Variants in CARMIL3 observed in about 807,000 individuals in gnomAD.
CARMIL3 encodes the protein capping protein regulator and myosin 1 linker 3, also known as capping protein, Arp2/3 and myosin-I linker protein 3.
CARMIL3 carries 88 observed loss-of-function variants against 180.8 expected under a neutral mutation model. The ratio of observed to expected loss-of-function variants is 0.49; its 90% CI spans 0.41 to 0.58. CARMIL3 has a LOEUF of 0.58. Ranked by LOEUF, CARMIL3 falls within the 20% of genes least tolerant of loss-of-function variation. CARMIL3 has a pLI of 0.00. For synonymous variants in CARMIL3, 696 were observed against 714.5 expected, an observed-to-expected ratio of 0.97 and a Z score of 0.41; for missense variants, 1,548 against 1,787.0, an observed-to-expected ratio of 0.87 and a Z score of 2.41.
At chr14:24,055,852 C>G (rs1052836581) in intron 10 of CARMIL3, 63 bp downstream of exon 10, 1 of 1,459,074 alleles carries the variant, frequency 6.9e-7, no homozygotes, top group African/African-American at 1.4e-5. Context: ...GTCCCAGAAC[C>G]TCAGAGCATG....
Position 24,058,888 on chromosome 14 carries a change from AGGG to A in CARMIL3, c.1475-1_1476del. 6.2e-7 allele frequency: 1 copy of A among 1,614,202 alleles called. No homozygotes were observed. Among genetic ancestry groups the A allele is most frequent in the South Asian group, 1.1e-5 (1 of 91,086 alleles). On this transcript the variant is annotated splice_acceptor_variant and coding_sequence_variant, in exon 19 of 40. Transcript: ENST00000342740. LOFTEE classifies it high-confidence loss of function. The surrounding 1 kb of genome is among the most constrained non-coding windows in gnomAD (Gnocchi z 6.4). ...GCCAGGCCTCTCCCATCTGCTCACC[AGGG>A]TTCGACTCGGACCTCCTGACACTGG... is the stretch of plus-strand genomic sequence containing the variant.
intron 1 of CARMIL3, among the ~76,000 whole-genome samples, chr14:24,053,083 A>G (rs1347880088): frequency 2.0e-5 from 3 of 151,256 alleles, no homozygotes; most frequent in African/African-American, 4.9e-5. Flanking sequence ...CACACACACT[A>G]TATCTGGGTG....
At position 24,060,069 on chromosome 14, in the gene CARMIL3, G is replaced by A. The variant is rs1388411688; in HGVS notation, c.1962+6G>A. On this transcript the variant is annotated splice_donor_region_variant and intron_variant, in intron 23 of 39. Transcript: ENST00000342740. ...CCGAGGACGTCTGGCAGAAGGTGCA[G>A]GGTGCTGTCCTAAGCAGGGTGGCAC... 9 of 1,613,804 alleles carry A rather than the reference G, an allele frequency of 5.6e-6. No homozygotes were observed. The highest frequency in any genetic ancestry group is 7.6e-6 in the Non-Finnish European group (9 of 1,180,034).
chr14:24,056,366 C>G lies in CARMIL3; in HGVS notation c.838C>G (p.Leu280Val), dbSNP rs2035671721. 6.2e-7 allele frequency: 1 copy of G among 1,613,810 alleles called. No homozygotes were observed. The highest frequency in any genetic ancestry group is 1.3e-5 in the African/African-American group (1 of 74,882). Residue 280 changes from leucine (L) to valine (V), a missense_variant, in exon 11 of 40, where the codon CTG (leucine) becomes GTG (valine). By Grantham distance (32) the Leu-to-Val change is conservative (BLOSUM62 1). Around this residue, in one of 4 missense-constraint regions of CARMIL3, gnomAD observed 578 missense variants for 666.5 expected, o/e 0.87. Coordinates refer to ENST00000342740, the MANE Select transcript of CARMIL3 (RefSeq NM_138360.4). ...NGSCVLHALT[L>V]SHNPIEDKGF... ...GAGCTGTGTGCTGCATGCCCTCACT[C>G]TGTCCCACAACCCCATCGAGGACAA...
Position 24,062,730 on chromosome 14 carries a change from A to T in CARMIL3, c.2590A>T (p.Arg864Trp). 1 of 1,611,764 alleles carries T rather than the reference A, an allele frequency of 6.2e-7. No individual in the cohort carries two copies. The highest frequency in any genetic ancestry group is 8.5e-7 in the Non-Finnish European group (1 of 1,178,760). Residue 864 changes from arginine to tryptophan, a missense_variant, in exon 29 of 40, where the codon AGG (arginine) becomes TGG (tryptophan). Arg to Trp is a moderately radical substitution (Grantham distance 101, BLOSUM62 -3). Coordinates refer to ENST00000342740, the MANE Select transcript of CARMIL3 (RefSeq NM_138360.4). ...KSLARHLTQLRTLSDPPGCPG... is the reference protein window; with the variant it reads ...KSLARHLTQLWTLSDPPGCPG... ...CCAGGCCCGGCACCTGACCCAGCTA[A>T]GGACGCTGTCAGATCCACCAGGGTG...
intron 24 of CARMIL3, 38 bp downstream of exon 24, chr14:24,060,293 G>A: frequency 6.2e-7 from 1 of 1,604,090 alleles, no homozygotes; most frequent in Non-Finnish European, 8.5e-7. Context: ...CATACCCGGG[G>A]CATGCAGGGC....
Position 24,059,889 on chromosome 14 carries a change from G to A in CARMIL3, c.1869-81G>A. 1.3e-6 allele frequency: 2 copies of A among 1,551,118 alleles called. No homozygotes were observed. Among genetic ancestry groups the A allele is most frequent in the Non-Finnish European group, 1.8e-6 (2 of 1,124,766 alleles). ...GACAGAAATGATGAGCAAGGGGGCTGGAGGGCTGCTCACCAACAGAGGAGG... is the reference window on the plus strand; with the variant it reads ...GACAGAAATGATGAGCAAGGGGGCTAGAGGGCTGCTCACCAACAGAGGAGG... On this transcript the variant is annotated intron_variant, in intron 22 of 39. Transcript: ENST00000342740. This position sits in a 1 kb window ranked among gnomAD's most constrained non-coding sequence, Gnocchi z 6.3.
chr14:24,066,093 C>A (rs767278985), intron 34 of CARMIL3, among the ~76,000 whole-genome samples: 1 of 152,144 alleles, frequency 6.6e-6, no homozygotes, highest in East Asian at 1.9e-4. Context: ...ATTAACTCAC[C>A]TTTTTTTAAC....
In CARMIL3 at chr14:24,054,847, C is replaced by A. The variant is rs772758385; in HGVS notation, c.460+39C>A. ...GATGTGAGGAAAGTAGGCGCTCCAC[C>A]ATCTTGCCCCATGATCAGAGCCCTT... On this transcript the variant is annotated intron_variant, in intron 6 of 39. Coordinates refer to ENST00000342740, the MANE Select transcript of CARMIL3 (RefSeq NM_138360.4). This position sits in a 1 kb window ranked among gnomAD's most constrained non-coding sequence, Gnocchi z 5.1. 2.5e-6 allele frequency: 4 copies of A among 1,580,990 alleles called. No individual in the cohort carries two copies. The highest frequency in any genetic ancestry group is 3.5e-6 in the Non-Finnish European group (4 of 1,152,482).
chr14:24,058,158 G>A lies in CARMIL3; in HGVS notation c.1326G>A (p.Ala442=), dbSNP rs202041364. Residue 442 remains alanine, a synonymous_variant, in exon 17 of 40, where the codon GCG becomes GCA. Coordinates refer to ENST00000342740, the MANE Select transcript of CARMIL3 (RefSeq NM_138360.4). The surrounding 1 kb of genome is among the most constrained non-coding windows in gnomAD (Gnocchi z 6.4). ...ATKLPLEALR[A]LLQGLSLNSH... is the part of the protein sequence containing the mutation. ...CCTGCTGACCTCCCTCCCACAGGGCGCTGCTTCAGGGCCTCTCCCTCAACA... is the reference window on the plus strand; with the variant it reads ...CCTGCTGACCTCCCTCCCACAGGGCACTGCTTCAGGGCCTCTCCCTCAACA... 9 of 1,613,716 alleles carry A rather than the reference G, an allele frequency of 5.6e-6. No homozygotes were observed. Among genetic ancestry groups the A allele is most frequent in the Middle Eastern group, 1.6e-4 (1 of 6,084 alleles).
chr14:24,063,393 C>T lies in CARMIL3; in HGVS notation c.2839C>T (p.Leu947Phe). The change falls in exon 31 of 40, where the codon CTT becomes TTT. Residue 947 changes from leucine (L) to phenylalanine (F), a missense_variant. Leu to Phe is a conservative substitution (Grantham distance 22). This residue lies in a region of CARMIL3 where 668 missense variants were observed against 687.8 expected (regional missense o/e 0.97). Coordinates refer to ENST00000342740, the MANE Select transcript of CARMIL3 (RefSeq NM_138360.4). Reference sequence around the variant, plus strand: ...GATCCCCCCTGGCTGGTTCTCAGGACTTGGGGGCAGCCAGCCCACAGCTAG... The same window carrying T: ...GATCCCCCCTGGCTGGTTCTCAGGATTTGGGGGCAGCCAGCCCACAGCTAG... ...LGIPPGWFSG[L>F]GGSQPTASGS... The T allele has an allele frequency of 6.2e-7, 1 of 1,613,474 alleles. No homozygotes were observed. Among genetic ancestry groups the T allele is most frequent in the Non-Finnish European group, 8.5e-7 (1 of 1,179,780 alleles).
chr14:24,052,595 C>T (rs2035628456), intron 1 of CARMIL3, among the ~76,000 whole-genome samples: 1 of 152,230 alleles, frequency 6.6e-6, no homozygotes. Flanking sequence ...GTCCTGACCG[C>T]TGCGTGGCTT....
At chr14:24,064,925 C>T (rs1450259450) in intron 32 of CARMIL3, 33 bp from the exon 33 acceptor site, 1 of 1,599,682 alleles carries the variant, frequency 6.3e-7, no homozygotes, top group Admixed American at 1.7e-5. Context: ...TTGCATCTGG[C>T]ATTTGTTGCT....
intron 27 of CARMIL3, chr14:24,062,070 C>CTAGTA (rs1210259599): frequency 9.7e-6 from 3 of 309,980 alleles, no homozygotes; most frequent in Non-Finnish European, 1.8e-5. Flanking sequence ...ACTCACCAAA[C>CTAGTA]CAAAGGAAAA....
In CARMIL3 at chr14:24,062,851, GC is replaced by G. The variant is rs2035746300; in HGVS notation, c.2706+11del. ...GATGAACTTGGGACCAACATTGTGA[GC>G]CCCCCGCTCCCTGCTCCTCCTTAAT... On this transcript the variant is annotated splice_donor_region_variant and intron_variant, in intron 29 of 39. Transcript: ENST00000342740. The G allele has an allele frequency of 1.2e-6, 2 of 1,601,678 alleles. No homozygotes were observed. Among genetic ancestry groups the G allele is most frequent in the Non-Finnish European group, 8.5e-7 (1 of 1,174,406 alleles).
chr14:24,056,700 C>A lies in CARMIL3; in HGVS notation c.944C>A (p.Ser315Tyr), dbSNP rs751720520. ...CTGTGCCTGGCCAAGACTGCCATTT[C>A]CCCTCGAGGTACTCGCACCAAGGAC... ...TKLCLAKTAISPRGLQALGQT... is the reference protein window; with the variant it reads ...TKLCLAKTAIYPRGLQALGQT... The change falls in exon 12 of 40, where the codon TCC (serine) becomes TAC (tyrosine). Residue 315 changes from serine to tyrosine, a missense_variant. This residue lies in a region of CARMIL3 where 578 missense variants were observed against 666.5 expected (regional missense o/e 0.87). Coordinates refer to ENST00000342740, the MANE Select transcript of CARMIL3 (RefSeq NM_138360.4). 1 of 1,613,092 alleles carries A rather than the reference C, an allele frequency of 6.2e-7. No homozygotes were observed. Among genetic ancestry groups the A allele is most frequent in the Admixed American group, 1.7e-5 (1 of 60,024 alleles).
intron 2 of CARMIL3, 122 bp downstream of exon 2, chr14:24,053,925 T>TG (rs1187101420): frequency 2.6e-6 from 3 of 1,158,916 alleles, no homozygotes; most frequent in Non-Finnish European, 2.5e-6. Context: ...AGACAAAACC[T>TG]GGGGGGAGGA....
At chr14:24,055,041 A>C in intron 6 of CARMIL3, 25 bp from the exon 7 acceptor site, 1 of 1,611,786 alleles carries the variant, frequency 6.2e-7, no homozygotes, top group Non-Finnish European at 8.5e-7. Flanking sequence ...ACCCTCATGG[A>C]ATCAGCCTAT....
At position 24,054,633 on chromosome 14, in the gene CARMIL3, G is replaced by C; in HGVS notation, c.363-78G>C. ...CATGTCCCCACTCCTGGTTTTTCCT[G>C]GGATGCAGGAGCTATAACGTGGGAA... On this transcript the variant is annotated intron_variant, in intron 5 of 39. Coordinates refer to ENST00000342740, the MANE Select transcript of CARMIL3 (RefSeq NM_138360.4). The surrounding 1 kb of genome is among the most constrained non-coding windows in gnomAD (Gnocchi z 5.1). 2.6e-6 allele frequency: 4 copies of C among 1,517,940 alleles called. No homozygotes were observed. Among genetic ancestry groups the C allele is most frequent in the Non-Finnish European group, 3.6e-6 (4 of 1,107,438 alleles). The allele number at this position is 1,517,940 out of a possible 1,614,324, so 94.0% of individuals were successfully genotyped here. A position where few individuals can be genotyped will look rare whatever the true frequency, so the allele number is the denominator to read the frequency against.
Sources: gnomAD v4.1 joint callset for allele counts (sites outside exome capture counted in the v4.1 genomes callset) on GRCh38, gnomAD v4.1.1 for gene constraint, gnomAD v4.1.1 regional missense constraint, Gnocchi (gnomAD v3.1) non-coding constraint, MANE v1.5 for transcripts, NCBI Gene and HGNC (gene_info 2026-07-23, HGNC 2026-07-21) for gene names.